ADAM2: variants seen among roughly 807,000 people sequenced by gnomAD.
ADAM2 encodes the protein ADAM metallopeptidase domain 2.
ADAM2 carries 101 observed loss-of-function variants against 99.3 expected under a neutral mutation model. The ratio of observed to expected loss-of-function variants is 1.02; its 90% CI spans 0.87 to 1.20. ADAM2 has a LOEUF of 1.20. ADAM2 is among the 50% of genes most tolerant of loss of function. The pLI, the probability that ADAM2 is intolerant of heterozygous loss-of-function variation, is 0.00. For synonymous variants in ADAM2, 323 were observed against 287.6 expected (o/e 1.12, Z -1.25); for missense variants, 948 against 878.7 (o/e 1.08, Z -1.00).
rs79431764 is a variant in ADAM2, at chr8:39,834,732, C to CAAAA, written c.133-737_133-734dup. On this transcript the variant is annotated intron_variant, in intron 2 of 20. Coordinates refer to ENST00000265708, the MANE Select transcript of ADAM2 (RefSeq NM_001464.5). Reference sequence around the variant, plus strand: ...CCTGGGCGACAGGGCAAGACTCCATCAAAAAAAAAAAAAAAAAAAAAAAAA... The same window carrying CAAAA: ...CCTGGGCGACAGGGCAAGACTCCATCAAAAAAAAAAAAAAAAAAAAAAAAAAAAA... Among the ~76,000 whole-genome samples the CAAAA allele has an allele frequency of 7.1e-3, 373 of 52,652 alleles. 21 individuals carry two copies. The highest frequency in any genetic ancestry group is 0.021 in the African/African-American group (253 of 11,782). 34.5% of individuals were successfully genotyped at this position (52,652 alleles called of 152,430 possible). A position where few individuals can be genotyped will look rare whatever the true frequency, so the allele number is the denominator to read the frequency against.
intron 19 of ADAM2, among the ~76,000 whole-genome samples, chr8:39,745,434 C>A (rs1397338843): frequency 1.3e-5 from 2 of 151,958 alleles, no homozygotes; most frequent in Non-Finnish European, 2.9e-5. Flanking sequence ...TAATGAAATT[C>A]AATTCATTTC....
chr8:39,795,856 T>C (rs1411721037), intron 7 of ADAM2, among the ~76,000 whole-genome samples: 4 of 152,160 alleles, frequency 2.6e-5, no homozygotes, highest in Admixed American at 2.6e-4. Context: ...GATTTGTAAA[T>C]AGACATGAAA....
intron 16 of ADAM2, among the ~76,000 whole-genome samples, chr8:39,752,081 G>C (rs891599250): frequency 1.3e-5 from 2 of 152,102 alleles, no homozygotes; most frequent in African/African-American, 4.8e-5. Context: ...TTGTACCAGA[G>C]ATAAAAATCA....
intron 7 of ADAM2, among the ~76,000 whole-genome samples, chr8:39,803,658 G>A (rs1204646443): frequency 6.6e-6 from 1 of 152,142 alleles, no homozygotes. Context: ...CTAAAACTCA[G>A]TTAGTTGTAA....
At chr8:39,824,353 A>T (rs184913007) in intron 4 of ADAM2, among the ~76,000 whole-genome samples, 46 of 144,902 alleles carry the variant, frequency 3.2e-4, no homozygotes, top group East Asian at 2.1e-3. Context: ...ATTATTTTTT[A>T]AAAAAATTAT....
chr8:39,830,111 A>G (rs1390714958), intron 3 of ADAM2, among the ~76,000 whole-genome samples: 1 of 152,118 alleles, frequency 6.6e-6, no homozygotes, highest in East Asian at 1.9e-4. Context: ...CACTTATTTA[A>G]CTGCATAAAC....
At chr8:39,835,164 A>G (rs981640411) in intron 2 of ADAM2, among the ~76,000 whole-genome samples, 1 of 152,116 alleles carries the variant, frequency 6.6e-6, no homozygotes. Context: ...TTATAAAGCC[A>G]TTTCTTATTA....
chr8:39,797,370 G>C (rs1192625987), intron 7 of ADAM2, among the ~76,000 whole-genome samples: 1 of 151,982 alleles, frequency 6.6e-6, no homozygotes, highest in Non-Finnish European at 1.5e-5. Context: ...GATGTGTAGA[G>C]TTATTTATGA....
At chr8:39,753,292 C>T (rs1056572297) in intron 16 of ADAM2, among the ~76,000 whole-genome samples, 8 of 152,182 alleles carry the variant, frequency 5.3e-5, no homozygotes, top group South Asian at 2.1e-4. Flanking sequence ...TTTGCCCCTG[C>T]CCTAGAAATC....
At chr8:39,770,713 A>G (rs978995343) in intron 11 of ADAM2, among the ~76,000 whole-genome samples, 4 of 152,122 alleles carry the variant, frequency 2.6e-5, no homozygotes, top group African/African-American at 7.2e-5. Context: ...CATAGTTTGT[A>G]CTCCTAATAT....
intron 11 of ADAM2, among the ~76,000 whole-genome samples, chr8:39,771,094 C>T (rs1249158125): frequency 6.6e-6 from 1 of 152,190 alleles, no homozygotes; most frequent in Non-Finnish European, 1.5e-5. Flanking sequence ...ACCAACTCCT[C>T]CGAGGTCATT....
intron 7 of ADAM2, among the ~76,000 whole-genome samples, chr8:39,805,440 A>T (rs919811200): frequency 6.6e-6 from 1 of 152,254 alleles, no homozygotes; most frequent in Non-Finnish European, 1.5e-5. Context: ...GGTAAAAACG[A>T]TAAGCTCTGC....
At position 39,749,658 on chromosome 8, in the gene ADAM2, G is replaced by A. The variant is rs1327981345; in HGVS notation, c.1875+9C>T. 1.9e-6 allele frequency: 3 copies of A among 1,604,356 alleles called. No homozygotes were observed. The highest frequency in any genetic ancestry group is 2.6e-6 in the Non-Finnish European group (3 of 1,173,242). On this transcript the variant is annotated intron_variant, in intron 17 of 20. Coordinates refer to ENST00000265708, the MANE Select transcript of ADAM2 (RefSeq NM_001464.5). Reference sequence around the variant, plus strand: ...ATTTCTATTTTCACCTCATAGTACTGCTACTTACACCTCTATCATTGCATT... The same window carrying A: ...ATTTCTATTTTCACCTCATAGTACTACTACTTACACCTCTATCATTGCATT...
intron 7 of ADAM2, among the ~76,000 whole-genome samples, chr8:39,808,660 G>A (rs933451329): frequency 6.6e-6 from 1 of 152,192 alleles, no homozygotes; most frequent in African/African-American, 2.4e-5. Flanking sequence ...GCTCACGCAT[G>A]TGGTCCCAGC....
Position 39,809,415 on chromosome 8 carries a change from G to A in ADAM2, c.565C>T (p.Gln189Ter), listed in dbSNP as rs769778977. ...ATAAATCAGAATATACTTACCAATT[G>A]TTTTTCAACTATAACATGCATTTCT... Reference protein sequence around the residue: ...YIEMHVIVEKQLYNHMGSDTT... With the variant: ...YIEMHVIVEK Residue 189 changes from glutamine to a stop codon, truncating the protein, a stop_gained, in exon 7 of 21, where the codon CAA becomes TAA. Coordinates refer to ENST00000265708, the MANE Select transcript of ADAM2 (RefSeq NM_001464.5). LOFTEE classifies it high-confidence loss of function. The A allele has an allele frequency of 3.1e-6, 4 of 1,299,712 alleles. No homozygotes were observed. The African/African-American group carries it at 5.9e-5, about 19-fold the overall frequency. 80.5% of individuals were successfully genotyped at this position (1,299,712 alleles called of 1,614,324 possible).
intron 14 of ADAM2, among the ~76,000 whole-genome samples, chr8:39,764,262 A>AT (rs909136530): frequency 6.6e-6 from 1 of 152,126 alleles, no homozygotes; most frequent in Non-Finnish European, 1.5e-5. Context: ...AAAAGAAAAA[A>AT]TAGTGGGCAT....
intron 6 of ADAM2, among the ~76,000 whole-genome samples, chr8:39,810,340 C>A (rs1379843288): frequency 6.6e-6 from 1 of 152,156 alleles, no homozygotes; most frequent in Admixed American, 6.5e-5. Flanking sequence ...TAATGGGCGA[C>A]TTTAACACCC....
chr8:39,832,911 T>G (rs1805674911), intron 3 of ADAM2, among the ~76,000 whole-genome samples: 1 of 152,174 alleles, frequency 6.6e-6, no homozygotes, highest in Non-Finnish European at 1.5e-5. Flanking sequence ...ATACATTTTT[T>G]CTAATAGAAA....
At chr8:39,750,425 G>T (rs1375543084) in intron 16 of ADAM2, among the ~76,000 whole-genome samples, 1 of 152,116 alleles carries the variant, frequency 6.6e-6, no homozygotes, top group Admixed American at 6.5e-5. Context: ...TGGCATGATT[G>T]TGTAGAATCT....
Sources: gnomAD v4.1 joint callset for allele counts (sites outside exome capture counted in the v4.1 genomes callset) on GRCh38, gnomAD v4.1.1 for gene constraint, MANE v1.5 for transcripts, NCBI Gene and HGNC (gene_info 2026-07-23, HGNC 2026-07-21) for gene names.